The following DKK2 variants were observed in gnomAD, a reference collection of about 807,000 sequenced individuals.
DKK2 encodes the protein dickkopf-related protein 2.
Under a neutral mutation model 28.1 loss-of-function variants are expected in DKK2, and 11 were observed. That is an observed-to-expected ratio of 0.39 (90% CI 0.25 to 0.65). DKK2 has a LOEUF of 0.65. Among genes scored for constraint, DKK2 ranks in the 30% least tolerant of loss-of-function variants. DKK2 has a pLI of 0.47. For synonymous variants in DKK2, 135 were observed against 126.5 expected, an observed-to-expected ratio of 1.07 and a Z score of -0.45; for missense variants, 326 against 335.5, an observed-to-expected ratio of 0.97 and a Z score of 0.22.
intron 1 of DKK2, among the ~76,000 whole-genome samples, chr4:107,031,353 T>C (rs1366797965): frequency 2.0e-5 from 3 of 151,854 alleles, no homozygotes; most frequent in Non-Finnish European, 4.4e-5. Context: ...AATATTAGAG[T>C]ATATAGTTTA....
At chr4:106,975,385 G>A (rs1212587081) in intron 1 of DKK2, among the ~76,000 whole-genome samples, 1 of 151,978 alleles carries the variant, frequency 6.6e-6, no homozygotes, top group East Asian at 1.9e-4. Context: ...GATTTTTTTG[G>A]TTGCTAGGCT....
At chr4:107,030,844 G>T (rs1294553886) in intron 1 of DKK2, among the ~76,000 whole-genome samples, 3 of 151,934 alleles carry the variant, frequency 2.0e-5, no homozygotes, top group African/African-American at 7.2e-5. Context: ...ACTAGCTATA[G>T]TTCTATGACA....
intron 1 of DKK2, among the ~76,000 whole-genome samples, chr4:107,029,451 T>A (rs1045556776): frequency 2.6e-5 from 4 of 152,194 alleles, no homozygotes; most frequent in African/African-American, 7.2e-5. Flanking sequence ...TTCAAAAGGC[T>A]GCCTAGAGGA....
intron 1 of DKK2, among the ~76,000 whole-genome samples, chr4:106,996,216 C>G: frequency 6.6e-6 from 1 of 152,120 alleles, no homozygotes; most frequent in Non-Finnish European, 1.5e-5. Flanking sequence ...ACAAAGCTGT[C>G]CACACCACCA....
chr4:107,012,514 T>C (rs1457469017), intron 1 of DKK2, among the ~76,000 whole-genome samples: 1 of 151,252 alleles, frequency 6.6e-6, no homozygotes, highest in Non-Finnish European at 1.5e-5. Context: ...AAGAAAAGTG[T>C]GTCTAAGTTA....
chr4:106,969,682 G>A (rs1722836480), intron 1 of DKK2, among the ~76,000 whole-genome samples: 1 of 151,858 alleles, frequency 6.6e-6, no homozygotes, highest in Admixed American at 6.6e-5. Context: ...TGAGAAATAT[G>A]CTACTGCTTT....
intron 1 of DKK2, among the ~76,000 whole-genome samples, chr4:106,932,044 A>G (rs1361480151): frequency 1.3e-5 from 2 of 152,186 alleles, no homozygotes; most frequent in African/African-American, 4.8e-5. Flanking sequence ...ATGTAAACCC[A>G]GGCATATTCC....
At chr4:106,991,264 C>T (rs1401433059) in intron 1 of DKK2, among the ~76,000 whole-genome samples, 1 of 152,142 alleles carries the variant, frequency 6.6e-6, no homozygotes, top group Non-Finnish European at 1.5e-5. Context: ...TGTACACCTA[C>T]AATCTACTAC....
intron 1 of DKK2, among the ~76,000 whole-genome samples, chr4:106,966,865 A>G (rs1289110499): frequency 1.3e-5 from 2 of 152,080 alleles, no homozygotes; most frequent in Non-Finnish European, 2.9e-5. Flanking sequence ...CTCATAATTC[A>G]ATCACCTCCC....
Position 107,036,120 on chromosome 4 carries a change from G to C in DKK2, c.-529C>G, listed in dbSNP as rs187213168. The stretch of plus-strand genomic sequence containing the variant: ...CAAAGTTAGCAGGCGCTTTAGTAGG[G>C]GATCAGGAGACGTCCCCGGACCGAA... On this transcript the variant is annotated 5_prime_UTR_variant, in exon 1 of 4. Coordinates refer to ENST00000285311, the MANE Select transcript of DKK2 (RefSeq NM_014421.3). 3 of 155,342 alleles carry C rather than the reference G, an allele frequency of 1.9e-5. No homozygotes were observed. The highest frequency in any genetic ancestry group is 7.2e-5 in the African/African-American group (3 of 41,472). 9.6% of individuals were successfully genotyped at this position (155,342 alleles called of 1,614,324 possible).
At chr4:106,924,864 T>G (rs938030403) in intron 2 of DKK2, among the ~76,000 whole-genome samples, 164 bp from the exon 3 acceptor site, 1 of 152,214 alleles carries the variant, frequency 6.6e-6, no homozygotes, top group African/African-American at 2.4e-5. Flanking sequence ...CTGAGCATAC[T>G]TTGGCCCTAA....
At chr4:106,975,435 A>C (rs140366002) in intron 1 of DKK2, among the ~76,000 whole-genome samples, 1 of 152,104 alleles carries the variant, frequency 6.6e-6, no homozygotes, top group Non-Finnish European at 1.5e-5. Flanking sequence ...TCATTCATCT[A>C]TTCAGGGATT....
chr4:106,962,032 T>C (rs1324224270), intron 1 of DKK2, among the ~76,000 whole-genome samples: 3 of 152,136 alleles, frequency 2.0e-5, no homozygotes, highest in East Asian at 1.9e-4. Context: ...CACCAAGCAG[T>C]GGACTGGTTT....
intron 1 of DKK2, among the ~76,000 whole-genome samples, chr4:106,966,002 A>G (rs1722775370): frequency 6.6e-6 from 1 of 151,762 alleles, no homozygotes; most frequent in Non-Finnish European, 1.5e-5. Context: ...TCATTGTTGG[A>G]CATTTGGGTT....
intron 3 of DKK2, 130 bp downstream of exon 3, chr4:106,924,415 C>A (rs1485708657): frequency 7.6e-7 from 1 of 1,316,988 alleles, no homozygotes; most frequent in African/African-American, 1.5e-5. Context: ...ACCTAAATAA[C>A]AAGTTTAATG....
intron 1 of DKK2, among the ~76,000 whole-genome samples, chr4:106,986,337 G>C (rs1723120264): frequency 6.6e-6 from 1 of 152,076 alleles, no homozygotes; most frequent in South Asian, 2.1e-4. Flanking sequence ...ATAACTTTGA[G>C]TCTTAATTGT....
intron 1 of DKK2, among the ~76,000 whole-genome samples, chr4:107,003,283 C>A (rs1316849774): frequency 2.0e-5 from 3 of 152,214 alleles, no homozygotes; most frequent in Non-Finnish European, 4.4e-5. Context: ...CCGTCTTTCA[C>A]TCTTTTACCC....
At chr4:107,026,480 C>T (rs1228494812) in intron 1 of DKK2, among the ~76,000 whole-genome samples, 1 of 152,020 alleles carries the variant, frequency 6.6e-6, no homozygotes, top group Non-Finnish European at 1.5e-5. Flanking sequence ...ACATTTTAAT[C>T]AGACATGAGT....
intron 1 of DKK2, among the ~76,000 whole-genome samples, chr4:106,945,297 T>C (rs952408727): frequency 9.2e-5 from 14 of 152,136 alleles, no homozygotes; most frequent in African/African-American, 3.1e-4. Context: ...TTTTCTTATA[T>C]AGAAATGTTA....
Sources: gnomAD v4.1 joint callset for allele counts (sites outside exome capture counted in the v4.1 genomes callset) on GRCh38, gnomAD v4.1.1 for gene constraint, MANE v1.5 for transcripts, NCBI Gene and HGNC (gene_info 2026-07-23, HGNC 2026-07-21) for gene names.